COL17A1: variants seen among roughly 807,000 people sequenced by gnomAD.
The protein encoded by COL17A1 is collagen alpha-1(XVII) chain.
Under a neutral mutation model 218.4 loss-of-function variants are expected in COL17A1, and 181 were observed. The observed-to-expected ratio is 0.83, with a 90% CI of 0.73 to 0.94. The LOEUF is 0.94. Ranked by LOEUF, COL17A1 falls within the 40% of genes least tolerant of loss-of-function variation. The pLI is 0.00. For synonymous variants in COL17A1, 721 were observed against 731.0 expected (o/e 0.99, Z 0.22); for missense variants, 1,924 against 1,945.9 (o/e 0.99, Z 0.21).
intron 4 of COL17A1, 59 bp from the exon 5 acceptor site, chr10:104,076,488 C>A: frequency 6.2e-7 from 1 of 1,610,096 alleles, no homozygotes; most frequent in Non-Finnish European, 8.5e-7. Flanking sequence ...AACCAAATGG[C>A]TACTGTGACC....
intron 34 of COL17A1, 64 bp downstream of exon 34, chr10:104,043,761 A>C: frequency 6.3e-7 from 1 of 1,592,490 alleles, no homozygotes; most frequent in Non-Finnish European, 8.6e-7. Context: ...AACGCTGCAG[A>C]GTCAAGGTAG....
rs2274099 is a variant in COL17A1 at position 104,038,966 on chromosome 10, C to T, written c.2947+105G>A. 145 of 1,289,728 alleles carry T rather than the reference C, an allele frequency of 1.1e-4. No individual in the cohort carries two copies. The East Asian group carries it at 3.0e-3, about 27-fold the overall frequency. 79.9% of individuals were successfully genotyped at this position (1,289,728 alleles called of 1,614,324 possible). On this transcript the variant is annotated intron_variant, in intron 44 of 55. Transcript: ENST00000648076. ...CATGGAGAAGACAGCCAATCAACAA[C>T]GAATCATGGAGAAATGAATGAACGA...
At chr10:104,077,854 G>T (rs116110631) in intron 3 of COL17A1, among the ~76,000 whole-genome samples, 4 of 152,242 alleles carry the variant, frequency 2.6e-5, no homozygotes, top group Non-Finnish European at 5.9e-5. Flanking sequence ...AGCGATGAAA[G>T]CTCCTTGAGT....
chr10:104,071,647 C>T (rs555491507), intron 8 of COL17A1, among the ~76,000 whole-genome samples: 5 of 152,158 alleles, frequency 3.3e-5, no homozygotes, highest in South Asian at 4.2e-4. Context: ...CCCTTTGAGC[C>T]GAACTGATCC....
At chr10:104,040,132 T>C (rs1244588088) in intron 40 of COL17A1, 133 bp from the exon 41 acceptor site, 2 of 1,099,614 alleles carry the variant, frequency 1.8e-6, no homozygotes, top group African/African-American at 3.1e-5. Flanking sequence ...GTGCCTCTCC[T>C]CTCACTAGGC....
intron 9 of COL17A1, among the ~76,000 whole-genome samples, chr10:104,064,824 T>C (rs184418247): frequency 1.8e-4 from 28 of 152,340 alleles, no homozygotes; most frequent in African/African-American, 5.3e-4. Context: ...TGGTAAAATC[T>C]GAGGTAGCCA....
Position 104,060,265 on chromosome 10 carries a change from A to ACACTTGT in COL17A1, c.988_994dup (p.Val332AspfsTer7). 1 of 1,614,192 alleles carries ACACTTGT rather than the reference A, an allele frequency of 6.2e-7. No individual in the cohort carries two copies. Among genetic ancestry groups the ACACTTGT allele is most frequent in the Non-Finnish European group, 8.5e-7 (1 of 1,180,028 alleles). On this transcript the variant is annotated frameshift_variant, in exon 14 of 56. Transcript: ENST00000648076. LOFTEE classifies it high-confidence loss of function. ...CTTGTGCAAAAGGTCATCGCTCTGC[A>ACACTTGT]CACTTGTGGTGCAGGCTGGGGAGAA... is the stretch of plus-strand genomic sequence containing the variant.
chr10:104,053,460 A>C (rs2086490108), intron 22 of COL17A1, among the ~76,000 whole-genome samples: 1 of 152,042 alleles, frequency 6.6e-6, no homozygotes, highest in Admixed American at 6.5e-5. Flanking sequence ...TCCAGCTCAG[A>C]GGTCTTCCCC....
In COL17A1 at chr10:104,037,045, G is replaced by C; in HGVS notation, c.3277C>G (p.Arg1093Gly). 2 of 1,604,394 alleles carry C rather than the reference G, an allele frequency of 1.2e-6. No homozygotes were observed. The highest frequency in any genetic ancestry group is 2.2e-5 in the South Asian group (2 of 88,952). ...CTCGATCCCCCCACAGGTGACTCAC[G>C]CTGCAGCACAGCCAGAATGTCTTCA... ...SSEDILAVLQ[R>G]DDVRQYLRQY... The change falls in exon 47 of 56, where the codon CGG becomes GGG. Residue 1093 changes from arginine to glycine, a missense_variant and splice_region_variant. Physicochemically the swap from Arg to Gly is moderately radical, Grantham distance 125. Transcript: ENST00000648076.
At chr10:104,081,128 T>C (rs1402015489) in intron 1 of COL17A1, among the ~76,000 whole-genome samples, 1 of 152,242 alleles carries the variant, frequency 6.6e-6, no homozygotes, top group Non-Finnish European at 1.5e-5. Flanking sequence ...TCTATGCATA[T>C]GAGACATTCA....
rs748333991 is a variant in COL17A1 at position 104,040,402 on chromosome 10, G to C, written c.2710C>G (p.Leu904Val). The C allele has an allele frequency of 7.5e-6, 12 of 1,609,292 alleles. No homozygotes were observed. In the Admixed American group the frequency reaches 2.0e-4, roughly 27 times the overall value. ...GSFLSNSETF[L>V]SGPPGPPGPP... Reference sequence around the variant, plus strand: ...CCAGGTGGGCCTGGGGGGCCGGAGAGGAAGGTTTCTGCAGAGGAAGGAAAT... The same window carrying C: ...CCAGGTGGGCCTGGGGGGCCGGAGACGAAGGTTTCTGCAGAGGAAGGAAAT... Residue 904 changes from leucine (L) to valine (V), a missense_variant, in exon 40 of 56, where the codon CTC becomes GTC. Transcript: ENST00000648076.
intron 7 of COL17A1, 64 bp downstream of exon 7, chr10:104,073,146 A>G (rs1294681957): frequency 3.4e-6 from 5 of 1,451,004 alleles, no homozygotes; most frequent in East Asian, 2.3e-5. Context: ...AAGGCTGGAC[A>G]CACATTAACT....
chr10:104,043,731 C>T, intron 34 of COL17A1, 94 bp downstream of exon 34: 4 of 1,562,116 alleles, frequency 2.6e-6, no homozygotes, highest in Middle Eastern at 1.7e-4. Context: ...CCAAAAAACT[C>T]CCAGCCACAT....
intron 17 of COL17A1, 69 bp downstream of exon 17, chr10:104,056,906 C>T (rs1037825224): frequency 6.5e-7 from 1 of 1,547,992 alleles, no homozygotes; most frequent in Non-Finnish European, 8.7e-7. Flanking sequence ...AGATTCCTGC[C>T]CTTCTGACAG....
intron 12 of COL17A1, among the ~76,000 whole-genome samples, chr10:104,061,770 A>G (rs1189028566): frequency 1.3e-5 from 2 of 151,774 alleles, no homozygotes; most frequent in Non-Finnish European, 2.9e-5. Context: ...ACTTATTCCC[A>G]TTGTCTTATA....
At chr10:104,070,311 G>T in intron 9 of COL17A1, 115 bp downstream of exon 9, 1 of 1,549,884 alleles carries the variant, frequency 6.5e-7, no homozygotes, top group Non-Finnish European at 8.7e-7. Flanking sequence ...GATTTGGTGG[G>T]CCCCAATTTC....
At chr10:104,062,131 G>T in intron 12 of COL17A1, 127 bp downstream of exon 12, 1 of 1,392,210 alleles carries the variant, frequency 7.2e-7, no homozygotes, top group African/African-American at 1.4e-5. Context: ...GATATCTTGA[G>T]TGTTGTGTCT....
intron 9 of COL17A1, 103 bp from the exon 10 acceptor site, chr10:104,064,699 T>G: frequency 9.0e-7 from 1 of 1,105,654 alleles, no homozygotes; most frequent in Non-Finnish European, 1.3e-6. Context: ...GTTTGGGCAT[T>G]GAAAGCCCCA....
At chr10:104,046,615 A>G in intron 32 of COL17A1, 132 bp downstream of exon 32, 1 of 831,676 alleles carries the variant, frequency 1.2e-6, no homozygotes, top group Non-Finnish European at 2.1e-6. Flanking sequence ...CACGACTCAT[A>G]GTGAAAGGGA....
Sources: gnomAD v4.1 joint callset for allele counts (sites outside exome capture counted in the v4.1 genomes callset) on GRCh38, gnomAD v4.1.1 for gene constraint, MANE v1.5 for transcripts, NCBI Gene and HGNC (gene_info 2026-07-23, HGNC 2026-07-21) for gene names.